The following CNOT6 variants were observed in gnomAD, a reference collection of about 807,000 sequenced individuals.
The protein encoded by CNOT6 is carbon catabolite repression 4 protein.
In CNOT6, 12 loss-of-function variants were observed where a neutral mutation model predicts 61.2. That is an observed-to-expected ratio of 0.20 (90% CI 0.13 to 0.32). The LOEUF (loss-of-function observed/expected upper bound fraction) is 0.32, where lower values mean the gene tolerates loss of function less well. Among genes scored for constraint, CNOT6 ranks in the 10% least tolerant of loss-of-function variants. The probability of loss-of-function intolerance (pLI) is 1.00; values close to 1 mark genes in which losing one functional copy is unlikely to be tolerated. For missense variants in CNOT6, 405 were observed against 663.9 expected, an observed-to-expected ratio of 0.61 and a Z score of 4.28; for synonymous variants, 225 against 240.6, an observed-to-expected ratio of 0.94 and a Z score of 0.60.
Position 180,574,564 on chromosome 5 carries a change from G to A in CNOT6, c.*364G>A. The A allele has an allele frequency of 3.8e-6, 1 of 260,616 alleles. No homozygotes were observed. The highest frequency in any genetic ancestry group is 7.5e-6 in the Non-Finnish European group (1 of 134,116). The allele number at this position is 260,616 out of a possible 1,614,324, so 16.1% of individuals were successfully genotyped here. On this transcript the variant is annotated 3_prime_UTR_variant, in exon 12 of 12. Coordinates refer to ENST00000261951, the MANE Select transcript of CNOT6 (RefSeq NM_001370472.1). ...TAGCACTGCTTTTTTGAGGCCAGTA[G>A]CAACATCCAGAGATCATTCTTCCAT...
chr5:180,494,872 G>A (rs1211897932), intron 1 of CNOT6, 109 bp downstream of exon 1: 2 of 152,060 alleles, frequency 1.3e-5, no homozygotes, highest in Admixed American at 6.6e-5. Context: ...TCGTTTCGTG[G>A]GCGGCGGTCC....
intron 1 of CNOT6, among the ~76,000 whole-genome samples, chr5:180,514,943 T>C (rs1024610686): frequency 5.3e-5 from 8 of 152,142 alleles, no homozygotes; most frequent in Non-Finnish European, 8.8e-5. Flanking sequence ...ACAAACTGTT[T>C]AGAGGTGATA....
rs999525264 is a variant in CNOT6 at position 180,497,249 on chromosome 5, C to A, written c.-3+2486C>A. ...GGCTGAGGTGGGAGAATGGCTTGAA[C>A]CTGGGAGGCAGAGATTGCAGTGAGC... is the stretch of plus-strand genomic sequence containing the variant. On this transcript the variant is annotated intron_variant, in intron 1 of 11. Transcript: ENST00000261951. Among the ~76,000 whole-genome samples the A allele has an allele frequency of 2.0e-5, 3 of 150,314 alleles. No homozygotes were observed. In the Admixed American group the frequency reaches 2.0e-4, roughly 10 times the overall value.
At chr5:180,526,739 A>G (rs1758117234) in intron 1 of CNOT6, among the ~76,000 whole-genome samples, 1 of 152,200 alleles carries the variant, frequency 6.6e-6, no homozygotes, top group Admixed American at 6.5e-5. Flanking sequence ...AACCAGGATT[A>G]TGATTTATCC....
chr5:180,563,061 C>G (rs371875944), intron 4 of CNOT6, among the ~76,000 whole-genome samples: 1 of 152,126 alleles, frequency 6.6e-6, no homozygotes, highest in African/African-American at 2.4e-5. Context: ...ATCTTAAAAC[C>G]GAAAGATCTT....
intron 1 of CNOT6, among the ~76,000 whole-genome samples, chr5:180,514,722 C>T (rs921965573): frequency 2.0e-5 from 3 of 152,106 alleles, no homozygotes; most frequent in Non-Finnish European, 4.4e-5. Context: ...TTCATCGTGC[C>T]TGGCAGAGTG....
intron 3 of CNOT6, among the ~76,000 whole-genome samples, chr5:180,552,024 A>G (rs1427083902): frequency 6.6e-6 from 1 of 151,742 alleles, no homozygotes; most frequent in Non-Finnish European, 1.5e-5. Flanking sequence ...GTGTGCCACC[A>G]TGCCCAGCTA....
At chr5:180,505,146 G>A (rs187324341) in intron 1 of CNOT6, among the ~76,000 whole-genome samples, 1,727 of 148,342 alleles carry the variant, frequency 0.012, 12 homozygotes, top group Non-Finnish European at 0.017. Context: ...ATTTTTAGTA[G>A]AGACGGGGTT....
At chr5:180,558,122 G>A (rs916242783) in intron 4 of CNOT6, among the ~76,000 whole-genome samples, 4 of 152,184 alleles carry the variant, frequency 2.6e-5, no homozygotes, top group African/African-American at 9.7e-5. Flanking sequence ...GGAAGGAATC[G>A]GCTCTTTGAG....
At chr5:180,507,479 G>A (rs1377069401) in intron 1 of CNOT6, among the ~76,000 whole-genome samples, 1 of 152,194 alleles carries the variant, frequency 6.6e-6, no homozygotes, top group Non-Finnish European at 1.5e-5. Context: ...GTGGGTGCCT[G>A]TAATCCCAGC....
chr5:180,549,813 A>G, intron 2 of CNOT6, 118 bp from the exon 3 acceptor site: 1 of 734,988 alleles, frequency 1.4e-6, no homozygotes, highest in Non-Finnish European at 2.2e-6. Context: ...ACCCCTTCTC[A>G]CAAGTTTTTG....
intron 1 of CNOT6, 126 bp downstream of exon 1, chr5:180,494,889 T>A (rs1756523073): frequency 6.6e-6 from 1 of 151,850 alleles, no homozygotes; most frequent in African/African-American, 2.4e-5. Context: ...GTCCCGCTGC[T>A]CCGCAAGCTG....
intron 4 of CNOT6, among the ~76,000 whole-genome samples, chr5:180,554,101 G>A (rs1242253054): frequency 6.6e-6 from 1 of 152,154 alleles, no homozygotes; most frequent in Non-Finnish European, 1.5e-5. Context: ...CTTCAAAAAA[G>A]TCACTAGATG....
intron 2 of CNOT6, among the ~76,000 whole-genome samples, chr5:180,530,168 G>A (rs1380364450): frequency 1.3e-5 from 2 of 152,154 alleles, no homozygotes; most frequent in African/African-American, 4.8e-5. Context: ...AAATAGTACA[G>A]AACAAATTTT....
intron 1 of CNOT6, among the ~76,000 whole-genome samples, chr5:180,526,666 C>T (rs1758114316): frequency 1.3e-5 from 2 of 152,232 alleles, no homozygotes; most frequent in South Asian, 4.1e-4. Flanking sequence ...CTTACATGGT[C>T]ATAGGCTTTT....
chr5:180,559,981 C>T (rs1760086041), intron 4 of CNOT6, among the ~76,000 whole-genome samples: 1 of 150,004 alleles, frequency 6.7e-6, no homozygotes, highest in Admixed American at 6.7e-5. Flanking sequence ...CAGAGTCTCG[C>T]TCTGTTGCCC....
intron 1 of CNOT6, among the ~76,000 whole-genome samples, chr5:180,519,944 C>T (rs894316727): frequency 2.0e-5 from 3 of 151,808 alleles, no homozygotes; most frequent in Non-Finnish European, 4.4e-5. Context: ...AGGGATTCTC[C>T]TGCCTTAGCC....
intron 1 of CNOT6, among the ~76,000 whole-genome samples, chr5:180,496,680 T>C (rs1040447618): frequency 3.5e-4 from 54 of 152,296 alleles, no homozygotes; most frequent in African/African-American, 1.2e-3. Context: ...GTAACATATA[T>C]AAAGTCTGTG....
intron 1 of CNOT6, among the ~76,000 whole-genome samples, chr5:180,521,280 C>T (rs567780205): frequency 1.3e-5 from 2 of 152,186 alleles, no homozygotes; most frequent in African/African-American, 4.8e-5. Flanking sequence ...TAGTCATTTA[C>T]GACATTTTAC....
Sources: allele counts gnomAD v4.1 joint callset (sites outside exome capture counted in the v4.1 genomes callset), GRCh38; gene constraint gnomAD v4.1.1; transcripts MANE v1.5; gene names NCBI Gene and HGNC (gene_info 2026-07-23, HGNC 2026-07-21).